Variants in HDAC4 observed in about 807,000 individuals in gnomAD.
The protein encoded by HDAC4 is histone deacetylase A.
HDAC4 carries 16 observed loss-of-function variants against 135.1 expected under a neutral mutation model. The observed-to-expected ratio is 0.12, with a 90% confidence interval of 0.08 to 0.18. The LOEUF (loss-of-function observed/expected upper bound fraction) is 0.18. Ranked by LOEUF, HDAC4 falls within the 10% of genes least tolerant of loss-of-function variation. The probability of loss-of-function intolerance (pLI) is 1.00; values close to 1 mark genes in which losing one functional copy is unlikely to be tolerated. For synonymous variants in HDAC4, 685 were observed against 653.4 expected (o/e 1.05, Z -0.74); for missense variants, 1,143 against 1,511.8 (o/e 0.76, Z 4.05).
intron 2 of HDAC4, among the ~76,000 whole-genome samples, chr2:239,237,320 T>C (rs1272506718): frequency 1.3e-5 from 2 of 152,026 alleles, no homozygotes; most frequent in Non-Finnish European, 2.9e-5. Context: ...CCGCCTGGGA[T>C]TTTTCTATAT....
At chr2:239,272,874 C>T (rs565674391) in intron 2 of HDAC4, among the ~76,000 whole-genome samples, 5 of 152,314 alleles carry the variant, frequency 3.3e-5, no homozygotes, top group Non-Finnish European at 7.3e-5. Flanking sequence ...CTGGCCCTCT[C>T]GTCCCAAGCT....
At position 239,066,706 on chromosome 2, in the gene HDAC4, T is replaced by G; in HGVS notation, c.3003+16A>C. The G allele has an allele frequency of 6.2e-7, 1 of 1,613,428 alleles. No individual in the cohort carries two copies. The highest frequency in any genetic ancestry group is 8.5e-7 in the Non-Finnish European group (1 of 1,179,992). ...TCAGTGTGGAGCATCCTGTGGGGTC[T>G]CTGGGGTCTTCCTACCTCGTTTCCC... On this transcript the variant is annotated intron_variant, in intron 24 of 26. Coordinates refer to ENST00000543185, the MANE Select transcript of HDAC4 (RefSeq NM_001378414.1).
intron 1 of HDAC4, among the ~76,000 whole-genome samples, chr2:239,380,407 G>A (rs1279432291): frequency 6.6e-6 from 1 of 152,048 alleles, no homozygotes; most frequent in Non-Finnish European, 1.5e-5. Context: ...TTTTATCTAT[G>A]TGTAGCTATA....
intron 1 of HDAC4, among the ~76,000 whole-genome samples, chr2:239,385,829 C>T (rs1376287568): frequency 2.0e-5 from 3 of 152,128 alleles, no homozygotes; most frequent in Admixed American, 2.0e-4. Flanking sequence ...CCCTTCCTGC[C>T]GGTACAGAAT....
intron 22 of HDAC4, among the ~76,000 whole-genome samples, chr2:239,073,683 G>C (rs146474986): frequency 8.5e-5 from 13 of 152,386 alleles, no homozygotes; most frequent in African/African-American, 3.1e-4. Context: ...CACAAAGCAT[G>C]GCGATTTCGC....
intron 22 of HDAC4, among the ~76,000 whole-genome samples, chr2:239,073,966 G>C (rs1332298181): frequency 6.6e-6 from 1 of 151,056 alleles, no homozygotes; most frequent in Non-Finnish European, 1.5e-5. Flanking sequence ...GCAGGACTGA[G>C]GGGGGCCGCA....
intron 2 of HDAC4, among the ~76,000 whole-genome samples, chr2:239,296,238 C>T (rs12477294): frequency 0.18 from 27,215 of 152,228 alleles, 2,597 homozygotes; most frequent in Non-Finnish European, 0.21. Context: ...TGCAGGTATG[C>T]ACACATGCAC....
intron 2 of HDAC4, among the ~76,000 whole-genome samples, chr2:239,241,976 GATC>G (rs1262312139): frequency 3.3e-5 from 5 of 151,654 alleles, no homozygotes; most frequent in Non-Finnish European, 7.4e-5. Context: ...TTTTCTTCCA[GATC>G]ATCTTGGGCA....
chr2:239,301,291 C>T (rs1177967328), intron 2 of HDAC4, among the ~76,000 whole-genome samples: 1 of 152,136 alleles, frequency 6.6e-6, no homozygotes, highest in Admixed American at 6.5e-5. Context: ...GCGTATGCAG[C>T]GTGGGAACTG....
At chr2:239,183,360 G>T (rs2044275073) in intron 4 of HDAC4, among the ~76,000 whole-genome samples, 1 of 152,240 alleles carries the variant, frequency 6.6e-6, no homozygotes, top group South Asian at 2.1e-4. Context: ...CTTGCCAGGG[G>T]AACAGCCCCA....
At chr2:239,145,875 G>C (rs2041724080) in intron 7 of HDAC4, among the ~76,000 whole-genome samples, 1 of 152,238 alleles carries the variant, frequency 6.6e-6, no homozygotes, top group Admixed American at 6.5e-5. Flanking sequence ...GGGACGTGCA[G>C]ACAGCCCAGG....
Position 239,307,185 on chromosome 2 carries a change from A to G in HDAC4, c.22+45493T>C, listed in dbSNP as rs1011719014. 3.3e-5 allele frequency among the ~76,000 whole-genome samples: 5 copies of G among 152,100 alleles called. No homozygotes were observed. The highest frequency in any genetic ancestry group is 1.2e-4 in the African/African-American group (5 of 41,434). On this transcript the variant is annotated intron_variant, in intron 2 of 26. Transcript: ENST00000543185. The surrounding 1 kb of genome is among the most constrained non-coding windows in gnomAD (Gnocchi z 4.8). ...GGAAACCCTGACAGGGAGGGAGAAG[A>G]GAGCCCTGGGCACAAAGCCCAGGGC...
intron 2 of HDAC4, among the ~76,000 whole-genome samples, chr2:239,281,488 T>TGCAA (rs2050746266): frequency 1.5e-5 from 2 of 132,062 alleles, no homozygotes; most frequent in Non-Finnish European, 3.1e-5. Context: ...CACACCACTC[T>TGCAA]ACAATGTACA....
chr2:239,218,389 T>C (rs933818890), intron 3 of HDAC4, among the ~76,000 whole-genome samples: 4 of 151,222 alleles, frequency 2.6e-5, no homozygotes, highest in East Asian at 2.0e-4. Context: ...ATTTAATAAA[T>C]GGTGCTGGGA....
chr2:239,106,425 G>C (rs1157794010), intron 15 of HDAC4, among the ~76,000 whole-genome samples: 2 of 152,202 alleles, frequency 1.3e-5, no homozygotes, highest in Non-Finnish European at 2.9e-5. Flanking sequence ...GGGGCAGCAG[G>C]ACAGCTGTCT....
intron 3 of HDAC4, among the ~76,000 whole-genome samples, chr2:239,220,734 C>T (rs975438498): frequency 2.6e-5 from 4 of 152,140 alleles, no homozygotes; most frequent in Non-Finnish European, 4.4e-5. Flanking sequence ...TATTTCTAAT[C>T]CCATGGAATG....
At chr2:239,326,538 T>TA (rs1167602479) in intron 2 of HDAC4, among the ~76,000 whole-genome samples, 2 of 152,042 alleles carry the variant, frequency 1.3e-5, no homozygotes, top group Non-Finnish European at 2.9e-5. Flanking sequence ...TTTACCACAA[T>TA]AAAAAAGCAT....
At position 239,178,582 on chromosome 2, in the gene HDAC4, C is replaced by A. The variant is rs760687421; in HGVS notation, c.340-2019G>T. Among the ~76,000 whole-genome samples, 8 of 152,150 alleles carry A rather than the reference C, an allele frequency of 5.3e-5. No homozygotes were observed. The South Asian group carries it at 1.5e-3, about 28-fold the overall frequency. On this transcript the variant is annotated intron_variant, in intron 4 of 26. Coordinates refer to ENST00000543185, the MANE Select transcript of HDAC4 (RefSeq NM_001378414.1). ...TCTTTTTTGATGAAACAAGATCTTG[C>A]TCTGTTGCTGGGGCTGGTCTCAAAC...
chr2:239,218,676 C>T, intron 3 of HDAC4, among the ~76,000 whole-genome samples: 1 of 145,278 alleles, frequency 6.9e-6, no homozygotes, highest in Non-Finnish European at 1.5e-5. Context: ...TCAGAGTGAA[C>T]AGGCAACCTA....
Sources: allele counts gnomAD v4.1 joint callset (sites outside exome capture counted in the v4.1 genomes callset), GRCh38; gene constraint gnomAD v4.1.1; non-coding constraint Gnocchi (gnomAD v3.1); transcripts MANE v1.5; gene names NCBI Gene and HGNC (gene_info 2026-07-23, HGNC 2026-07-21).